Variants in EYS observed in about 807,000 individuals in gnomAD.
The protein encoded by EYS is EGF-like photoreceptor maintenance factor.
Under a neutral mutation model 282.1 loss-of-function variants are expected in EYS, and 250 were observed. The observed-to-expected ratio is 0.89, with a 90% confidence interval of 0.80 to 0.98. The LOEUF is 0.98. EYS is among the 50% of genes least tolerant of loss of function. The pLI is 0.00. For missense variants in EYS, 4,016 were observed against 3,709.0 expected (o/e 1.08, Z -2.15); for synonymous variants, 1,355 against 1,282.9 (o/e 1.06, Z -1.20).
chr6:64,428,009 G>A (rs1009817179), intron 28 of EYS, among the ~76,000 whole-genome samples: 2 of 151,898 alleles, frequency 1.3e-5, no homozygotes, highest in African/African-American at 4.8e-5. Context: ...ATTACACTAT[G>A]GTGATCTACA....
chr6:63,887,265 C>T (rs1319849451), intron 35 of EYS, among the ~76,000 whole-genome samples: 5 of 147,266 alleles, frequency 3.4e-5, no homozygotes, highest in Non-Finnish European at 7.5e-5. Flanking sequence ...CATTAAGTGA[C>T]TAAAACTGAG....
intron 8 of EYS, among the ~76,000 whole-genome samples, chr6:65,361,249 G>A (rs7759220): frequency 0.67 from 101,990 of 151,380 alleles, 34,426 homozygotes; most frequent in South Asian, 0.71. Context: ...GCATTTGGAG[G>A]TATACTTAAT....
chr6:63,919,373 G>T (rs1764508397), intron 35 of EYS, among the ~76,000 whole-genome samples: 1 of 100,136 alleles, frequency 1.0e-5, no homozygotes, highest in Admixed American at 1.5e-4. Flanking sequence ...AACTTCATAA[G>T]ACTGAAATAT....
intron 2 of EYS, among the ~76,000 whole-genome samples, chr6:65,581,984 T>A (rs354353): frequency 0.014 from 2,151 of 151,512 alleles, 40 homozygotes; most frequent in African/African-American, 0.048. Context: ...GGTGAGGAGT[T>A]TGAGACCAGC....
intron 36 of EYS, among the ~76,000 whole-genome samples, chr6:63,849,670 G>A (rs200810154): frequency 6.6e-6 from 1 of 152,100 alleles, no homozygotes; most frequent in East Asian, 1.9e-4. Context: ...CCCATCCAAA[G>A]GTCAATAGCA....
chr6:63,803,518 G>A (rs1302482217), intron 37 of EYS, among the ~76,000 whole-genome samples: 1 of 152,148 alleles, frequency 6.6e-6, no homozygotes, highest in Non-Finnish European at 1.5e-5. Flanking sequence ...AGAACAGGCT[G>A]TCCATGCTCA....
chr6:65,510,673 T>C (rs965142396), intron 2 of EYS, among the ~76,000 whole-genome samples: 2 of 152,322 alleles, frequency 1.3e-5, no homozygotes, highest in Admixed American at 6.5e-5. Context: ...ATTTTTGGTA[T>C]GTTTTTCTCC....
intron 22 of EYS, among the ~76,000 whole-genome samples, chr6:64,674,411 A>C (rs568300934): frequency 6.7e-6 from 1 of 148,554 alleles, no homozygotes; most frequent in Non-Finnish European, 1.5e-5. Context: ...ACTTTATTTT[A>C]TAAGTCAGGA....
At chr6:64,084,741 T>C (rs74363412) in intron 31 of EYS, among the ~76,000 whole-genome samples, 24 of 152,274 alleles carry the variant, frequency 1.6e-4, no homozygotes, top group Admixed American at 7.8e-4. Context: ...AGAGAAATAA[T>C]GTAATACGGA....
chr6:65,658,191 A>T (rs990899861), intron 1 of EYS, among the ~76,000 whole-genome samples: 1 of 151,698 alleles, frequency 6.6e-6, no homozygotes, highest in Admixed American at 6.6e-5. Context: ...TGCCTGTATT[A>T]TCAAAAGCAA....
chr6:65,317,817 CCTTCCTTCCTTTCTTT>C (rs1769339432), intron 11 of EYS, among the ~76,000 whole-genome samples: 2 of 50,468 alleles, frequency 4.0e-5, no homozygotes, highest in South Asian at 6.5e-4. Context: ...TTCCTTCCTT[CCTTCCTTCCTTTCTTT>C]CTTTCTTTCT....
At chr6:65,238,776 C>T (rs950353487) in intron 12 of EYS, among the ~76,000 whole-genome samples, 1 of 151,734 alleles carries the variant, frequency 6.6e-6, no homozygotes, top group African/African-American at 2.4e-5. Context: ...GTAGGAATAG[C>T]CAAATATTTT....
intron 12 of EYS, among the ~76,000 whole-genome samples, chr6:65,075,255 T>G (rs1033805903): frequency 1.3e-5 from 2 of 152,002 alleles, no homozygotes; most frequent in African/African-American, 4.8e-5. Flanking sequence ...ACTTCTACAA[T>G]TCAATGAGTT....
At chr6:65,158,993 G>T (rs1233436045) in intron 12 of EYS, among the ~76,000 whole-genome samples, 1 of 150,524 alleles carries the variant, frequency 6.6e-6, no homozygotes, top group Non-Finnish European at 1.5e-5. Context: ...TTTAAATATT[G>T]CTATTTTTTT....
At chr6:64,093,661 T>C (rs1454540401) in intron 31 of EYS, among the ~76,000 whole-genome samples, 3 of 152,130 alleles carry the variant, frequency 2.0e-5, no homozygotes, top group Non-Finnish European at 4.4e-5. Flanking sequence ...TGGGCTGAGA[T>C]GATGGGGTTT....
intron 14 of EYS, among the ~76,000 whole-genome samples, chr6:64,965,841 A>T (rs77015700): frequency 0.034 from 5,233 of 152,238 alleles, 103 homozygotes; most frequent in Middle Eastern, 0.071. Context: ...TTAGAGATAC[A>T]TAGATTGTGA....
chr6:64,916,526 C>G (rs1223836185), intron 15 of EYS, among the ~76,000 whole-genome samples: 1 of 152,186 alleles, frequency 6.6e-6, no homozygotes, highest in Non-Finnish European at 1.5e-5. Flanking sequence ...GAATCTGCTT[C>G]CGCACATGTC....
chr6:64,320,211 T>A (rs183937472), intron 29 of EYS, among the ~76,000 whole-genome samples: 3 of 151,966 alleles, frequency 2.0e-5, no homozygotes, highest in African/African-American at 7.2e-5. Context: ...GATTATTAGA[T>A]ATATTGTTTG....
chr6:64,169,055 T>C (rs1211487829), intron 31 of EYS, among the ~76,000 whole-genome samples: 1 of 152,258 alleles, frequency 6.6e-6, no homozygotes, highest in Non-Finnish European at 1.5e-5. Context: ...CTAAAATTTA[T>C]TTTGATGTTG....
Sources: allele counts gnomAD v4.1 joint callset (sites outside exome capture counted in the v4.1 genomes callset), GRCh38; gene constraint gnomAD v4.1.1; transcripts MANE v1.5; gene names NCBI Gene and HGNC (gene_info 2026-07-23, HGNC 2026-07-21).